The following PLA2G4A variants were observed in gnomAD, a reference collection of about 807,000 sequenced individuals.
PLA2G4A encodes cytosolic phospholipase A2.
PLA2G4A carries 40 observed loss-of-function variants against 81.9 expected under a neutral mutation model. The observed-to-expected ratio is 0.49, with a 90% CI of 0.38 to 0.64. PLA2G4A has a LOEUF of 0.64. PLA2G4A is among the 30% of genes least tolerant of loss of function. The pLI is 0.00. For synonymous variants in PLA2G4A, 302 were observed against 296.9 expected (o/e 1.02, Z -0.18); for missense variants, 715 against 905.1 (o/e 0.79, Z 2.69).
chr1:186,889,980 G>A (rs1164511336), intron 3 of PLA2G4A, among the ~76,000 whole-genome samples: 1 of 152,156 alleles, frequency 6.6e-6, no homozygotes, highest in Non-Finnish European at 1.5e-5. Context: ...TTAGCTATGT[G>A]ATATTGGACA....
intron 2 of PLA2G4A, among the ~76,000 whole-genome samples, chr1:186,863,773 T>TC (rs1472470039): frequency 2.7e-5 from 4 of 147,180 alleles, no homozygotes; most frequent in African/African-American, 1.0e-4. Context: ...TTTTTTTTTT[T>TC]TTTTGGGGAC....
intron 5 of PLA2G4A, among the ~76,000 whole-genome samples, chr1:186,898,264 TA>T (rs759053782): frequency 4.6e-5 from 7 of 152,244 alleles, no homozygotes; most frequent in African/African-American, 9.6e-5. Flanking sequence ...TGCTAAATAT[TA>T]AAAAAACTGC....
At chr1:186,904,921 C>T (rs1290626822) in intron 5 of PLA2G4A, among the ~76,000 whole-genome samples, 1 of 152,050 alleles carries the variant, frequency 6.6e-6, no homozygotes, top group African/African-American at 2.4e-5. Flanking sequence ...GTGGCGCGAT[C>T]TCAGCTCACT....
intron 3 of PLA2G4A, among the ~76,000 whole-genome samples, chr1:186,888,364 C>T (rs1654014405): frequency 6.6e-6 from 1 of 152,124 alleles, no homozygotes; most frequent in Admixed American, 6.6e-5. Flanking sequence ...TGGTGCTTCT[C>T]AATTTGTCCT....
chr1:186,869,165 T>G (rs754143556), intron 2 of PLA2G4A, among the ~76,000 whole-genome samples: 1 of 152,254 alleles, frequency 6.6e-6, no homozygotes, highest in Non-Finnish European at 1.5e-5. Context: ...ATGCATTCAG[T>G]GCTATAAATT....
At chr1:186,958,558 T>A (rs938827969) in intron 14 of PLA2G4A, among the ~76,000 whole-genome samples, 3 of 152,218 alleles carry the variant, frequency 2.0e-5, no homozygotes, top group African/African-American at 7.2e-5. Context: ...AATTCTGTCA[T>A]CTTTGCCTAA....
intron 1 of PLA2G4A, among the ~76,000 whole-genome samples, chr1:186,831,753 T>G (rs1651599190): frequency 6.6e-6 from 1 of 152,118 alleles, no homozygotes; most frequent in Non-Finnish European, 1.5e-5. Flanking sequence ...TGTAATTCAA[T>G]CATTAATTCA....
At chr1:186,850,293 C>G (rs978407945) in intron 1 of PLA2G4A, among the ~76,000 whole-genome samples, 1 of 152,066 alleles carries the variant, frequency 6.6e-6, no homozygotes, top group African/African-American at 2.4e-5. Context: ...GATATAAAAG[C>G]CACCATTGTA....
chr1:186,871,189 C>T (rs566295207), intron 3 of PLA2G4A, among the ~76,000 whole-genome samples: 2 of 152,180 alleles, frequency 1.3e-5, no homozygotes, highest in East Asian at 1.9e-4. Flanking sequence ...TGAAATGATG[C>T]GATCCACAGC....
chr1:186,851,389 G>C (rs1652365853), intron 1 of PLA2G4A, among the ~76,000 whole-genome samples: 1 of 151,920 alleles, frequency 6.6e-6, no homozygotes, highest in African/African-American at 2.4e-5. Flanking sequence ...ACTTCTGAGG[G>C]GAAATGATAT....
intron 2 of PLA2G4A, among the ~76,000 whole-genome samples, chr1:186,855,140 A>G (rs1170399342): frequency 6.6e-6 from 1 of 151,862 alleles, no homozygotes; most frequent in Admixed American, 6.6e-5. Context: ...ATTATTTGTA[A>G]TGTCTTCTTC....
At chr1:186,986,376 C>G (rs903330657) in intron 17 of PLA2G4A, among the ~76,000 whole-genome samples, 3 of 152,092 alleles carry the variant, frequency 2.0e-5, no homozygotes, top group Non-Finnish European at 4.4e-5. Context: ...TATTTGGACA[C>G]TTTTATGCAA....
chr1:186,830,202 G>A (rs574157427), intron 1 of PLA2G4A, among the ~76,000 whole-genome samples: 15 of 152,314 alleles, frequency 9.8e-5, no homozygotes, highest in South Asian at 4.1e-4. Flanking sequence ...ATTGTGAAAT[G>A]CATAGAGAAG....
intron 4 of PLA2G4A, among the ~76,000 whole-genome samples, chr1:186,893,890 C>T (rs1359057618): frequency 6.9e-6 from 1 of 145,954 alleles, no homozygotes; most frequent in Non-Finnish European, 1.5e-5. Context: ...CGCCACTGCA[C>T]TCCAGCCTGG....
Position 186,979,355 on chromosome 1 carries a change from C to T in PLA2G4A, c.2001C>T (p.Asp667=). The T allele has an allele frequency of 6.2e-7, 1 of 1,611,634 alleles. No individual in the cohort carries two copies. The highest frequency in any genetic ancestry group is 8.5e-7 in the Non-Finnish European group (1 of 1,177,732). The change falls in exon 17 of 18, where the codon GAC becomes GAT. Residue 667 remains aspartate (D), a synonymous_variant. Coordinates refer to ENST00000367466, the MANE Select transcript of PLA2G4A (RefSeq NM_024420.3). The part of the protein sequence containing the change: ...RETEEEKEIA[D]FDIFDDPESP... ...CTGAGGAAGAGAAAGAAATCGCTGA[C>T]TTTGATATTTTTGATGACCCAGAAT... is the stretch of plus-strand genomic sequence containing the variant.
Position 186,854,371 on chromosome 1 carries a change from C to A in PLA2G4A, c.17C>A (p.Pro6His), listed in dbSNP as rs1442272520. Residue 6 changes from proline to histidine, a missense_variant, in exon 2 of 18, where the codon CCT becomes CAT. Pro to His is a moderately conservative substitution (Grantham distance 77, BLOSUM62 -2). Coordinates refer to ENST00000367466, the MANE Select transcript of PLA2G4A (RefSeq NM_024420.3). ...GAAACCAAAATGTCATTTATAGATCCTTACCAGCACATTATAGTAAGTCAT... is the reference window on the plus strand; with the variant it reads ...GAAACCAAAATGTCATTTATAGATCATTACCAGCACATTATAGTAAGTCAT... MSFIDPYQHIIVEHQY... is the reference protein window; with the variant it reads MSFIDHYQHIIVEHQY... 1.3e-6 allele frequency: 2 copies of A among 1,571,326 alleles called. No homozygotes were observed. The highest frequency in any genetic ancestry group is 2.2e-5 in the South Asian group (2 of 90,102).
rs12720499 is a variant in PLA2G4A at position 186,861,365 on chromosome 1, A to G, written c.33+6978A>G. Among the ~76,000 whole-genome samples, 62 of 152,292 alleles carry G rather than the reference A, an allele frequency of 4.1e-4. 2 individuals are homozygous for G. The East Asian group carries it at 0.012, about 29-fold the overall frequency. ...ATTCTCTCCTCTTCCGGATCAGCAAATGCCCCTATGGCAAAACTGAGCTCA... is the reference window on the plus strand; with the variant it reads ...ATTCTCTCCTCTTCCGGATCAGCAAGTGCCCCTATGGCAAAACTGAGCTCA... On this transcript the variant is annotated intron_variant, in intron 2 of 17. Transcript: ENST00000367466.
intron 13 of PLA2G4A, among the ~76,000 whole-genome samples, chr1:186,954,547 C>A (rs1226795471): frequency 6.6e-6 from 1 of 151,914 alleles, no homozygotes; most frequent in Non-Finnish European, 1.5e-5. Context: ...ATGTATCAAA[C>A]CTGCACATTG....
chr1:186,925,972 C>T (rs933881647), intron 7 of PLA2G4A, among the ~76,000 whole-genome samples: 1 of 152,178 alleles, frequency 6.6e-6, no homozygotes, highest in African/African-American at 2.4e-5. Flanking sequence ...CAGATTTAGG[C>T]ATTGCATGCA....
Sources: allele counts gnomAD v4.1 joint callset (sites outside exome capture counted in the v4.1 genomes callset), GRCh38; gene constraint gnomAD v4.1.1; transcripts MANE v1.5; gene names NCBI Gene and HGNC (gene_info 2026-07-23, HGNC 2026-07-21).